RAB37: variants seen among roughly 807,000 people sequenced by gnomAD.
RAB37 encodes the protein RAB37, member RAS oncogene family, also known as ras-related protein Rab-37.
Under a neutral mutation model 33.1 loss-of-function variants are expected in RAB37, and 29 were observed. The observed-to-expected ratio is 0.88, with a 90% CI of 0.65 to 1.20. RAB37 has a LOEUF of 1.20. RAB37 is among the 50% of genes most tolerant of loss of function. The pLI, the probability that RAB37 is intolerant of heterozygous loss-of-function variation, is 0.00. For synonymous variants in RAB37, 128 were observed against 119.5 expected, an observed-to-expected ratio of 1.07 and a Z score of -0.47; for missense variants, 299 against 301.1, an observed-to-expected ratio of 0.99 and a Z score of 0.05.
chr17:74,712,984 T>A (rs2034078960), intron 1 of RAB37: 1 of 1,034,724 alleles, frequency 9.7e-7, no homozygotes, highest in South Asian at 1.4e-5. Flanking sequence ...CTTCAGTCAC[T>A]TCCCATGGGT....
rs2034372835 is a variant in RAB37, at chr17:74,730,624, A to G, written c.183+1258A>G. 6.6e-6 allele frequency among the ~76,000 whole-genome samples: 1 copy of G among 152,144 alleles called. No individual in the cohort carries two copies. The highest frequency in any genetic ancestry group is 1.5e-5 in the Non-Finnish European group (1 of 68,018). The stretch of plus-strand genomic sequence containing the variant: ...CTGGCAATCCCTGAGGTCTGGGACC[A>G]GGCTGCCATGAAGCAAACCAGGATG... On this transcript the variant is annotated intron_variant, in intron 2 of 7. Transcript: ENST00000340415. This position sits in a 1 kb window ranked among gnomAD's most constrained non-coding sequence, Gnocchi z 4.4.
upstream of RAB37, among the ~76,000 whole-genome samples, chr17:74,734,606 G>T (rs558209255): frequency 1.3e-5 from 2 of 152,164 alleles, no homozygotes; most frequent in Non-Finnish European, 2.9e-5. Flanking sequence ...TACTTTGGGA[G>T]GCTAAGGCAG....
chr17:74,673,307 G>A (rs906154076), intron 1 of RAB37, among the ~76,000 whole-genome samples: 1 of 151,540 alleles, frequency 6.6e-6, no homozygotes, highest in Non-Finnish European at 1.5e-5. Context: ...GGAGGCTGAG[G>A]CAGGAGAATT....
In RAB37 at chr17:74,743,296, C is replaced by T. The variant is rs141017855; in HGVS notation, c.322C>T (p.Leu108=). 4 of 1,614,032 alleles carry T rather than the reference C, an allele frequency of 2.5e-6. No homozygotes were observed. Among genetic ancestry groups the T allele is most frequent in the Non-Finnish European group, 3.4e-6 (4 of 1,180,026 alleles). Residue 108 remains leucine (L), a synonymous_variant, in exon 5 of 9, where the codon CTG becomes TTG. Coordinates refer to ENST00000392613, the MANE Select transcript of RAB37 (RefSeq NM_001006638.3). ...AYYRDAQALL[L]LYDITNKSSF... ...GATCCTCTCCCCTCCAGCCTTGCTTCTGCTGTATGACATCACCAACAAATC... is the reference window on the plus strand; with the variant it reads ...GATCCTCTCCCCTCCAGCCTTGCTTTTGCTGTATGACATCACCAACAAATC...
rs1241116455 is a variant in RAB37 at position 74,745,578 on chromosome 17, G to A, written c.*167G>A. On this transcript the variant is annotated 3_prime_UTR_variant, in exon 9 of 9. Transcript: ENST00000392613. The surrounding 1 kb of genome is among the most constrained non-coding windows in gnomAD (Gnocchi z 4.5). ...TACTCCAACTCCTACTTGAGTTCCT[G>A]CGGTCTCCCCGCATCCACAGGGAGG... is the stretch of plus-strand genomic sequence containing the variant. The A allele has an allele frequency of 1.6e-6, 1 of 608,268 alleles. No homozygotes were observed. Among genetic ancestry groups the A allele is most frequent in the African/African-American group, 1.9e-5 (1 of 53,972 alleles). 37.7% of individuals were successfully genotyped at this position (608,268 alleles called of 1,614,324 possible). A position where few individuals can be genotyped will look rare whatever the true frequency, so the allele number is the denominator to read the frequency against.
At chr17:74,690,960 C>T (rs978933315) in intron 1 of RAB37, among the ~76,000 whole-genome samples, 4 of 152,172 alleles carry the variant, frequency 2.6e-5, no homozygotes, top group South Asian at 4.1e-4. Flanking sequence ...GTTCTGTCAC[C>T]GAAGCTGGAG....
At chr17:74,690,482 G>A (rs1482131283) in intron 1 of RAB37, among the ~76,000 whole-genome samples, 3 of 151,972 alleles carry the variant, frequency 2.0e-5, no homozygotes, top group Non-Finnish European at 4.4e-5. Flanking sequence ...TGCAATAAAC[G>A]TGCTGGCCAG....
chr17:74,706,858 G>A (rs1348024634), intron 1 of RAB37, among the ~76,000 whole-genome samples: 1 of 152,114 alleles, frequency 6.6e-6, no homozygotes, highest in Non-Finnish European at 1.5e-5. Flanking sequence ...GGAAAGAAGC[G>A]GGCCCTGTGA....
In RAB37 at chr17:74,710,764, G is replaced by A. The variant is rs192120177; in HGVS notation, c.73-18492G>A. 4.6e-5 allele frequency among the ~76,000 whole-genome samples: 7 copies of A among 152,182 alleles called. No homozygotes were observed. In the East Asian group the frequency reaches 1.4e-3, roughly 29 times the overall value. Reference sequence around the variant, plus strand: ...CACCTGTAATCCCAGCTACTTGGGAGGCTGAGGCAGAAGAATCACTTGAAT... The same window carrying A: ...CACCTGTAATCCCAGCTACTTGGGAAGCTGAGGCAGAAGAATCACTTGAAT... On this transcript the variant is annotated intron_variant, in intron 1 of 7. Coordinates refer to the RAB37 transcript ENST00000340415.
intron 1 of RAB37, among the ~76,000 whole-genome samples, chr17:74,678,234 A>C (rs1376416234): frequency 6.6e-6 from 1 of 152,166 alleles, no homozygotes; most frequent in Non-Finnish European, 1.5e-5. Context: ...GGCCCTGGAC[A>C]TCCTCCTATC....
Position 74,745,748 on chromosome 17 carries a change from AGGT to A in RAB37, c.*342_*344del. Reference sequence around the variant, plus strand: ...CGGCCCTCCCTCCTAAGCATAACAAAGGTGGTGTTGCTCCAGCTCAGCCCCAGG... The same window carrying A: ...CGGCCCTCCCTCCTAAGCATAACAAAGGTGTTGCTCCAGCTCAGCCCCAGG... On this transcript the variant is annotated 3_prime_UTR_variant, in exon 9 of 9. Coordinates refer to ENST00000392613, the MANE Select transcript of RAB37 (RefSeq NM_001006638.3). This position sits in a 1 kb window ranked among gnomAD's most constrained non-coding sequence, Gnocchi z 4.5. 1 of 240,148 alleles carries A rather than the reference AGGT, an allele frequency of 4.2e-6. No homozygotes were observed. Among genetic ancestry groups the A allele is most frequent in the Non-Finnish European group, 8.2e-6 (1 of 122,072 alleles). The allele number at this position is 240,148 out of a possible 1,614,324, so 14.9% of individuals were successfully genotyped here. A position where few individuals can be genotyped will look rare whatever the true frequency, so the allele number is the denominator to read the frequency against.
At chr17:74,695,613 C>A in intron 1 of RAB37, 1 of 1,481,906 alleles carries the variant, frequency 6.7e-7, no homozygotes, top group South Asian at 1.2e-5. Flanking sequence ...TGCCCCACAC[C>A]TGCCTCCTCT....
rs1320358819 is a variant in RAB37 at position 74,738,617 on chromosome 17, C to T, written c.93+1252C>T. Among the ~76,000 whole-genome samples, 1 of 152,168 alleles carries T rather than the reference C, an allele frequency of 6.6e-6. No individual in the cohort carries two copies. Among genetic ancestry groups the T allele is most frequent in the Non-Finnish European group, 1.5e-5 (1 of 68,018 alleles). On this transcript the variant is annotated intron_variant, in intron 1 of 8. Transcript: ENST00000392613. This position sits in a 1 kb window ranked among gnomAD's most constrained non-coding sequence, Gnocchi z 5.0. ...TGTAAAGTACACAAAGACTGGCCCT[C>T]CCTCCCTCCTTCCTGCTCCAGGGCT... is the stretch of plus-strand genomic sequence containing the variant.
At chr17:74,706,282 A>AAATATAT (rs1555586595) in intron 1 of RAB37, among the ~76,000 whole-genome samples, 3 of 145,160 alleles carry the variant, frequency 2.1e-5, no homozygotes, top group African/African-American at 7.6e-5. Context: ...GGAAAAAAAA[A>AAATATAT]ATATATATAT....
At chr17:74,687,218 A>G (rs187893881) in intron 1 of RAB37, among the ~76,000 whole-genome samples, 1 of 149,522 alleles carries the variant, frequency 6.7e-6, no homozygotes, top group African/African-American at 2.5e-5. Flanking sequence ...TTTTATTTTT[A>G]TTTATTTATT....
intron 1 of RAB37, among the ~76,000 whole-genome samples, chr17:74,697,262 T>C (rs2032580596): frequency 6.6e-6 from 1 of 152,048 alleles, no homozygotes; most frequent in Non-Finnish European, 1.5e-5. Context: ...GGATTGTTTT[T>C]CCACTGGGAC....
At chr17:74,715,269 C>G (rs1047890562) in intron 1 of RAB37, among the ~76,000 whole-genome samples, 3 of 152,204 alleles carry the variant, frequency 2.0e-5, no homozygotes, top group African/African-American at 7.2e-5. Flanking sequence ...CCCCTCACAC[C>G]CTAATCAGGA....
intron 1 of RAB37, among the ~76,000 whole-genome samples, chr17:74,677,955 C>G (rs890496426): frequency 6.6e-6 from 1 of 152,160 alleles, no homozygotes; most frequent in African/African-American, 2.4e-5. Flanking sequence ...AATGTTTCCT[C>G]TTATAAGCTG....
intron 1 of RAB37, among the ~76,000 whole-genome samples, chr17:74,692,996 C>G (rs1174451158): frequency 1.3e-5 from 2 of 152,224 alleles, no homozygotes; most frequent in African/African-American, 4.8e-5. Context: ...AGGCACCACA[C>G]AGCCTAGTGG....
Sources: allele counts gnomAD v4.1 joint callset (sites outside exome capture counted in the v4.1 genomes callset), GRCh38; gene constraint gnomAD v4.1.1; non-coding constraint Gnocchi (gnomAD v3.1); transcripts MANE v1.5; gene names NCBI Gene and HGNC (gene_info 2026-07-23, HGNC 2026-07-21).